Variants in COG3 observed in about 807,000 individuals in gnomAD.
COG3 encodes component of oligomeric golgi complex 3.
Under a neutral mutation model 114.1 loss-of-function variants are expected in COG3, and 32 were observed. The ratio of observed to expected loss-of-function variants is 0.28; its 90% confidence interval spans 0.21 to 0.38. The LOEUF (loss-of-function observed/expected upper bound fraction) is 0.38. Among genes scored for constraint, COG3 ranks in the 10% least tolerant of loss-of-function variants. COG3 has a pLI of 1.00. For missense variants in COG3, 813 were observed against 973.2 expected (o/e 0.84, Z 2.19); for synonymous variants, 352 against 365.7 (o/e 0.96, Z 0.43).
chr13:45,498,814 A>G (rs7338479), intron 13 of COG3, among the ~76,000 whole-genome samples: 9,382 of 121,592 alleles, frequency 0.077, 802 homozygotes, highest in African/African-American at 0.23. Context: ...TGTTTTGGCT[A>G]TTTTGGGCTC....
intron 1 of COG3, 128 bp downstream of exon 1, chr13:45,465,338 G>A (rs1593662989): frequency 1.4e-6 from 2 of 1,386,356 alleles, no homozygotes; most frequent in Admixed American, 2.9e-5. Context: ...CCATGGTGGC[G>A]GATCCGGTGG....
chr13:45,490,886 T>G, intron 8 of COG3, 29 bp from the exon 9 acceptor site: 1 of 1,467,370 alleles, frequency 6.8e-7, no homozygotes, highest in Non-Finnish European at 9.4e-7. Context: ...CAGAGATGGT[T>G]TTTTGATGCA....
intron 22 of COG3, among the ~76,000 whole-genome samples, chr13:45,532,417 A>G (rs1873232211): frequency 6.6e-6 from 1 of 152,018 alleles, no homozygotes; most frequent in Non-Finnish European, 1.5e-5. Flanking sequence ...TAATGATATA[A>G]AATACTTGCA....
At chr13:45,511,980 G>T (rs1363917292) in intron 16 of COG3, 126 bp downstream of exon 16, 3 of 686,682 alleles carry the variant, frequency 4.4e-6, no homozygotes, top group Admixed American at 4.7e-5. Context: ...ATTGAATTTT[G>T]AGGCTCTTTG....
intron 8 of COG3, among the ~76,000 whole-genome samples, chr13:45,488,306 AG>A (rs143733334): frequency 0.04 from 6,126 of 152,174 alleles, 406 homozygotes; most frequent in African/African-American, 0.14. Context: ...TCTAGTGTTC[AG>A]TAGTGTAGTA....
At chr13:45,524,520 GC>G (rs1872498594) in intron 19 of COG3, among the ~76,000 whole-genome samples, 1 of 152,138 alleles carries the variant, frequency 6.6e-6, no homozygotes, top group African/African-American at 2.4e-5. Flanking sequence ...CATTCTCTCT[GC>G]CTGTGATATA....
intron 12 of COG3, among the ~76,000 whole-genome samples, chr13:45,494,185 C>T (rs1015689370): frequency 5.3e-5 from 8 of 151,958 alleles, no homozygotes; most frequent in Non-Finnish European, 1.0e-4. Flanking sequence ...ATTAGCCAGG[C>T]CTGGTGGCAG....
intron 12 of COG3, among the ~76,000 whole-genome samples, chr13:45,494,725 C>T (rs1315220356): frequency 1.3e-5 from 2 of 152,076 alleles, no homozygotes; most frequent in East Asian, 3.8e-4. Context: ...GGGGTTTTGC[C>T]ATGTTGCCCA....
At chr13:45,532,096 A>G (rs946342123) in intron 22 of COG3, 4 of 152,152 alleles carry the variant, frequency 2.6e-5, no homozygotes, top group African/African-American at 9.7e-5. Context: ...ATTTCATTAA[A>G]TGGAATCATA....
At chr13:45,511,694 C>G in intron 15 of COG3, 71 bp from the exon 16 acceptor site, 2 of 1,127,922 alleles carry the variant, frequency 1.8e-6, no homozygotes, top group South Asian at 2.6e-5. Flanking sequence ...TTTGCACTTA[C>G]AGCCTAGGAT....
At chr13:45,519,711 C>T (rs1431312378) in intron 19 of COG3, among the ~76,000 whole-genome samples, 4 of 151,962 alleles carry the variant, frequency 2.6e-5, no homozygotes, top group African/African-American at 7.3e-5. Context: ...CAATGTTGAA[C>T]GTTGAAGGAA....
intron 1 of COG3, among the ~76,000 whole-genome samples, chr13:45,466,318 C>T (rs1285393324): frequency 6.6e-6 from 1 of 152,190 alleles, no homozygotes; most frequent in African/African-American, 2.4e-5. Context: ...GGATTACAGT[C>T]GTGAGCCACC....
chr13:45,465,027 G>A lies in COG3; in HGVS notation c.-10G>A. ...TCTCGCTGCTGCTGAAGGCCGCGAG[G>A]GCGGCGGCGATGGCGGAGGCGGCGC... On this transcript the variant is annotated 5_prime_UTR_variant, in exon 1 of 23. Coordinates refer to ENST00000349995, the MANE Select transcript of COG3 (RefSeq NM_031431.4). 1 of 1,560,480 alleles carries A rather than the reference G, an allele frequency of 6.4e-7. No homozygotes were observed. Among genetic ancestry groups the A allele is most frequent in the African/African-American group, 1.4e-5 (1 of 73,712 alleles).
At chr13:45,482,709 T>C (rs1886324804) in intron 6 of COG3, among the ~76,000 whole-genome samples, 2 of 152,212 alleles carry the variant, frequency 1.3e-5, no homozygotes, top group Non-Finnish European at 2.9e-5. Flanking sequence ...TACTTTTAGC[T>C]CCTGCAATAG....
At chr13:45,497,784 T>TCAACAACAA (rs1242517110) in intron 13 of COG3, among the ~76,000 whole-genome samples, 41,642 of 146,862 alleles carry the variant, frequency 0.28, 6,159 homozygotes, top group East Asian at 0.45. Flanking sequence ...AGACCCTGTC[T>TCAACAACAA]CAACAACAAC....
At chr13:45,504,346 C>G (rs1004023754) in intron 14 of COG3, among the ~76,000 whole-genome samples, 2 of 152,234 alleles carry the variant, frequency 1.3e-5, no homozygotes, top group Non-Finnish European at 2.9e-5. Flanking sequence ...ATTTCCTCCT[C>G]TGCAATAGAA....
intron 8 of COG3, among the ~76,000 whole-genome samples, chr13:45,487,859 A>G (rs887770831): frequency 2.6e-5 from 4 of 152,238 alleles, no homozygotes; most frequent in African/African-American, 9.6e-5. Context: ...GAGCTGTCAT[A>G]CCATCCAGCA....
chr13:45,492,186 C>G lies in COG3; in HGVS notation c.1123C>G (p.His375Asp), dbSNP rs758781534. ...TCGTAGTGGCTGTGCCTTCATGGTT[C>G]ATGTCTGCCAGGATGAACACCAACT... Reference protein sequence around the residue: ...LVRSGCAFMVHVCQDEHQLYN... With the variant: ...LVRSGCAFMVDVCQDEHQLYN... The change falls in exon 11 of 23, where the codon CAT (histidine) becomes GAT (aspartate). Residue 375 changes from histidine (H) to aspartate (D), a missense_variant. Physicochemically the swap from His to Asp is moderately conservative, Grantham distance 81. Around this residue, in one of 2 missense-constraint regions of COG3, gnomAD observed 389 missense variants for 542.6 expected, o/e 0.72. Transcript: ENST00000349995. 6.2e-7 allele frequency: 1 copy of G among 1,610,176 alleles called. No homozygotes were observed. The highest frequency in any genetic ancestry group is 1.3e-5 in the African/African-American group (1 of 74,650).
At chr13:45,476,445 C>A in intron 2 of COG3, 98 bp downstream of exon 2, 2 of 1,166,346 alleles carry the variant, frequency 1.7e-6, no homozygotes, top group Non-Finnish European at 2.5e-6. Context: ...CATTTGTCAC[C>A]ATAATTAACA....
Sources: allele counts gnomAD v4.1 joint callset (sites outside exome capture counted in the v4.1 genomes callset), GRCh38; gene constraint gnomAD v4.1.1; regional missense constraint gnomAD v4.1.1; transcripts MANE v1.5; gene names NCBI Gene and HGNC (gene_info 2026-07-23, HGNC 2026-07-21).